MEI1: variants seen among roughly 807,000 people sequenced by gnomAD.
The protein encoded by MEI1 is meiosis inhibitor protein 1.
MEI1 carries 103 observed loss-of-function variants against 146.2 expected under a neutral mutation model. The ratio of observed to expected loss-of-function variants is 0.70; its 90% CI spans 0.60 to 0.83. MEI1 has a LOEUF of 0.83. Ranked by LOEUF, MEI1 falls within the 40% of genes least tolerant of loss-of-function variation. MEI1 has a pLI of 0.00. For missense variants in MEI1, 1,529 were observed against 1,533.0 expected, an observed-to-expected ratio of 1.00 and a Z score of 0.04; for synonymous variants, 652 against 628.2, an observed-to-expected ratio of 1.04 and a Z score of -0.57.
intron 15 of MEI1, 60 bp downstream of exon 15, chr22:41,748,278 A>T: frequency 2.8e-6 from 3 of 1,072,946 alleles, no homozygotes; most frequent in Non-Finnish European, 4.3e-6. Flanking sequence ...CAATGCTCAG[A>T]GAGTATTCAA....
chr22:41,717,656 C>T (rs187613314), intron 5 of MEI1, among the ~76,000 whole-genome samples: 65 of 146,748 alleles, frequency 4.4e-4, no homozygotes, highest in African/African-American at 1.6e-3. Flanking sequence ...CGCTCTGTTG[C>T]CTAGGCTGGA....
chr22:41,729,344 T>G (rs1427187112), intron 7 of MEI1, among the ~76,000 whole-genome samples: 1 of 152,122 alleles, frequency 6.6e-6, no homozygotes, highest in Non-Finnish European at 1.5e-5. Flanking sequence ...GTTTCATAAA[T>G]AAATAAACCA....
intron 18 of MEI1, among the ~76,000 whole-genome samples, chr22:41,760,331 TA>T (rs907380986): frequency 3.4e-5 from 5 of 146,470 alleles, no homozygotes; most frequent in Admixed American, 6.8e-5. Flanking sequence ...AAAAAAAGAA[TA>T]AAAAAAATAA....
In MEI1 at chr22:41,758,405, C is replaced by T. The variant is rs370762110; in HGVS notation, c.1992C>T (p.Pro664=). 1.5e-5 allele frequency: 24 copies of T among 1,613,722 alleles called. No homozygotes were observed. The highest frequency in any genetic ancestry group is 1.9e-5 in the Non-Finnish European group (22 of 1,179,876). The change falls in exon 18 of 31, where the codon CCC becomes CCT. Residue 664 remains proline (P), a synonymous_variant. Transcript: ENST00000401548. ...AVSELLQHGL[P]QISSRSPESL... is the part of the protein sequence containing the mutation. ...CTGAGCTCCTGCAGCATGGGCTGCC[C>T]CAGATAAGCAGCAGGAGCCCTGAAA... is the stretch of plus-strand genomic sequence containing the variant.
At position 41,707,028 on chromosome 22, in the gene MEI1, C is replaced by CAA. The variant is rs59421678; in HGVS notation, c.349+1498_349+1499dup. 4.1e-3 allele frequency among the ~76,000 whole-genome samples: 535 copies of CAA among 130,768 alleles called. 5 individuals are homozygous for CAA. The highest frequency in any genetic ancestry group is 0.034 in the Admixed American group (411 of 11,980). The allele number at this position is 130,768 out of a possible 152,430, so 85.8% of individuals were successfully genotyped here. On this transcript the variant is annotated intron_variant, in intron 3 of 30. Transcript: ENST00000401548. ...CAACATGGTGAAACCCCATCTCTAC[C>CAA]AAAAAAAAAAAAAAAAAAAAAAAAA...
chr22:41,702,995 G>C (rs1190987272), intron 1 of MEI1, among the ~76,000 whole-genome samples: 1 of 152,216 alleles, frequency 6.6e-6, no homozygotes, highest in African/African-American at 2.4e-5. Flanking sequence ...TGGAATTACA[G>C]GTGTGAATCA....
chr22:41,735,442 C>T (rs547843356), intron 11 of MEI1, among the ~76,000 whole-genome samples: 15 of 152,228 alleles, frequency 9.9e-5, no homozygotes, highest in Admixed American at 3.3e-4. Context: ...CCATGTTGGG[C>T]GGGCTGGTCT....
At position 41,781,698 on chromosome 22, in the gene MEI1, C is replaced by T. The variant is rs887639951; in HGVS notation, c.2940C>T (p.Leu980=). Residue 980 remains leucine (L), a synonymous_variant, in exon 24 of 31, where the codon CTC becomes CTT. Transcript: ENST00000401548. ...CACCCCCGACAGCTGCTGCAGTGCT[C>T]CTGAGCAGCACAGGCCTGATGGAGC... The part of the protein sequence containing the change: ...PSSQKRAAAV[L]LSSTGLMELL... 28 of 1,613,290 alleles carry T rather than the reference C, an allele frequency of 1.7e-5. No individual in the cohort carries two copies. Among genetic ancestry groups the T allele is most frequent in the South Asian group, 2.2e-5 (2 of 91,040 alleles).
chr22:41,758,558 G>C, intron 18 of MEI1, 25 bp downstream of exon 18: 1 of 1,597,014 alleles, frequency 6.3e-7, no homozygotes, highest in Non-Finnish European at 8.6e-7. Flanking sequence ...GTGGGTGGCT[G>C]GTGGTGGGTC....
At chr22:41,724,168 T>C in intron 7 of MEI1, 95 bp downstream of exon 7, 3 of 1,454,354 alleles carry the variant, frequency 2.1e-6, no homozygotes, top group South Asian at 2.6e-5. Flanking sequence ...CTATCTCAGA[T>C]TTCCAAGTGT....
At chr22:41,758,258 A>G in intron 17 of MEI1, 107 bp from the exon 18 acceptor site, 1 of 1,064,150 alleles carries the variant, frequency 9.4e-7, no homozygotes, top group South Asian at 1.7e-5. Context: ...TACTGCATTT[A>G]CCCTTGCTGC....
rs2073267457 is a variant in MEI1, at chr22:41,746,111, TGA to T, written c.1680+86_1680+87del. ...AGCCAGGCTCAGAGGCATAAGGCAG[TGA>T]CTGCTCAAAGGAACTCTCTGGGGGC... On this transcript the variant is annotated intron_variant, in intron 14 of 30. Transcript: ENST00000401548. The T allele has an allele frequency of 2.2e-6, 3 of 1,351,958 alleles. No homozygotes were observed. In the African/African-American group the frequency reaches 4.4e-5, roughly 20 times the overall value. The allele number at this position is 1,351,958 out of a possible 1,614,324, so 83.7% of individuals were successfully genotyped here. A position where few individuals can be genotyped will look rare whatever the true frequency, so the allele number is the denominator to read the frequency against.
At chr22:41,757,138 A>G (rs1329108688) in intron 17 of MEI1, among the ~76,000 whole-genome samples, 4 of 152,150 alleles carry the variant, frequency 2.6e-5, no homozygotes, top group Non-Finnish European at 5.9e-5. Context: ...TCTGTCGCCC[A>G]TGCTGGAGTG....
At chr22:41,725,365 G>A (rs561264894) in intron 7 of MEI1, among the ~76,000 whole-genome samples, 1 of 152,202 alleles carries the variant, frequency 6.6e-6, no homozygotes, top group East Asian at 1.9e-4. Flanking sequence ...GCCTGCCTCG[G>A]CCTCCCAAAA....
intron 14 of MEI1, among the ~76,000 whole-genome samples, chr22:41,746,902 C>T (rs991237347): frequency 1.4e-4 from 21 of 152,092 alleles, no homozygotes; most frequent in African/African-American, 4.8e-4. Flanking sequence ...GGCAACTCAT[C>T]GCAGTTTACT....
In MEI1 at chr22:41,724,117, G is replaced by T. The variant is rs78023437; in HGVS notation, c.864+44G>T. ...CTGGTCTCTAGGTTCAATAACAAGG[G>T]GACCCAAGTGCTTCTTGGGCCTTGT... On this transcript the variant is annotated intron_variant, in intron 7 of 30. Coordinates refer to ENST00000401548, the MANE Select transcript of MEI1 (RefSeq NM_152513.4). The T allele has an allele frequency of 2.7e-3, 4,359 of 1,608,394 alleles. 86 individuals are homozygous for T. In the African/African-American group the frequency reaches 0.049, roughly 18 times the overall value.
rs1569140385 is a variant in MEI1, at chr22:41,705,562, GAAACCTTGT to G, written c.349+10_349+18del. ...CAGACCTCTGTATTGAAGGTAAGTT[GAAACCTTGT>G]ATCTAGCACTTGAAGATGAAAGTAT... On this transcript the variant is annotated intron_variant, in intron 3 of 30. Transcript: ENST00000401548. 1 of 1,611,208 alleles carries G rather than the reference GAAACCTTGT, an allele frequency of 6.2e-7. No individual in the cohort carries two copies. The highest frequency in any genetic ancestry group is 1.7e-5 in the Admixed American group (1 of 59,986).
At chr22:41,781,623 G>C in intron 23 of MEI1, 62 bp from the exon 24 acceptor site, 1 of 1,559,054 alleles carries the variant, frequency 6.4e-7, no homozygotes, top group Non-Finnish European at 8.8e-7. Context: ...AAGCACCATA[G>C]TGGCACTTAG....
intron 18 of MEI1, among the ~76,000 whole-genome samples, chr22:41,762,626 G>A (rs906182256): frequency 6.7e-6 from 1 of 148,718 alleles, no homozygotes; most frequent in Non-Finnish European, 1.5e-5. Context: ...GCCTCAAGCA[G>A]TTCTCCCACC....
Sources: gnomAD v4.1 joint callset for allele counts (sites outside exome capture counted in the v4.1 genomes callset) on GRCh38, gnomAD v4.1.1 for gene constraint, MANE v1.5 for transcripts, NCBI Gene and HGNC (gene_info 2026-07-23, HGNC 2026-07-21) for gene names.